Variants in DNAH6 observed in about 807,000 individuals in gnomAD.
DNAH6 encodes the protein dynein axonemal heavy chain 6.
DNAH6 carries 340 observed loss-of-function variants against 491.4 expected under a neutral mutation model. The ratio of observed to expected loss-of-function variants is 0.69; its 90% confidence interval spans 0.63 to 0.76. DNAH6 has a LOEUF of 0.76. Ranked by LOEUF, DNAH6 falls within the 30% of genes least tolerant of loss-of-function variation. The pLI, the probability that DNAH6 is intolerant of heterozygous loss-of-function variation, is 0.00. For missense variants in DNAH6, 4,443 were observed against 4,972.2 expected, an observed-to-expected ratio of 0.89 and a Z score of 3.20; for synonymous variants, 1,603 against 1,686.1, an observed-to-expected ratio of 0.95 and a Z score of 1.21.
At chr2:84,701,418 TG>T in intron 49 of DNAH6, 79 bp downstream of exon 49, 1 of 1,420,528 alleles carries the variant, frequency 7.0e-7, no homozygotes, top group South Asian at 1.4e-5. Flanking sequence ...CTCTATGCAC[TG>T]TCTTACCTGT....
chr2:84,592,179 C>G (rs1684180796), intron 16 of DNAH6, among the ~76,000 whole-genome samples: 1 of 151,508 alleles, frequency 6.6e-6, no homozygotes, highest in Non-Finnish European at 1.5e-5. Context: ...AAAAAATTTG[C>G]AAATTATATA....
At chr2:84,636,102 C>G (rs566489806) in intron 30 of DNAH6, among the ~76,000 whole-genome samples, 3 of 152,260 alleles carry the variant, frequency 2.0e-5, no homozygotes, top group African/African-American at 7.2e-5. Flanking sequence ...CCTTACTGGT[C>G]TCCCTGTCTG....
At chr2:84,777,484 A>G (rs1676251171) in intron 64 of DNAH6, 1 of 682,294 alleles carries the variant, frequency 1.5e-6, no homozygotes, top group Admixed American at 2.1e-5. Flanking sequence ...TTTCTGCCAA[A>G]TCTGCCACAG....
At chr2:84,742,394 T>G (rs2105029941) in intron 62 of DNAH6, among the ~76,000 whole-genome samples, 1 of 152,306 alleles carries the variant, frequency 6.6e-6, no homozygotes, top group African/African-American at 2.4e-5. Context: ...ATTGATTTAT[T>G]TAAGTTCTTC....
the DNAH6 span, among the ~76,000 whole-genome samples, chr2:84,484,220 A>G: frequency 6.6e-6 from 1 of 152,166 alleles, no homozygotes; most frequent in African/African-American, 2.4e-5. Context: ...AAGAAAATCC[A>G]GGAAACCCAT....
the DNAH6 span, among the ~76,000 whole-genome samples, chr2:84,493,790 G>A: frequency 6.6e-6 from 1 of 152,192 alleles, no homozygotes; most frequent in Admixed American, 6.5e-5. Flanking sequence ...AGACACAACA[G>A]CTTCAGGCCC....
chr2:84,728,132 C>A (rs1281863092), intron 61 of DNAH6, among the ~76,000 whole-genome samples: 1 of 152,228 alleles, frequency 6.6e-6, no homozygotes, highest in Non-Finnish European at 1.5e-5. Context: ...TTTTCATTCT[C>A]ACTTGCCTGC....
chr2:84,574,475 A>G (rs1226066755), intron 12 of DNAH6, among the ~76,000 whole-genome samples: 3 of 152,212 alleles, frequency 2.0e-5, no homozygotes, highest in African/African-American at 7.2e-5. Context: ...CAGCTTCCAG[A>G]TGATTTGGCC....
At chr2:84,756,143 C>G (rs561390226) in intron 63 of DNAH6, among the ~76,000 whole-genome samples, 1 of 152,202 alleles carries the variant, frequency 6.6e-6, no homozygotes, top group East Asian at 1.9e-4. Flanking sequence ...ATACACTATC[C>G]CTTATCAGGT....
At chr2:84,476,068 T>G in the DNAH6 span, among the ~76,000 whole-genome samples, 1 of 152,240 alleles carries the variant, frequency 6.6e-6, no homozygotes, top group Admixed American at 6.5e-5. Flanking sequence ...GGTTTTAAAC[T>G]GCAAGTACTG....
chr2:84,653,134 T>A (rs1209255399), intron 33 of DNAH6, among the ~76,000 whole-genome samples, 185 bp from the exon 34 acceptor site: 2 of 151,912 alleles, frequency 1.3e-5, no homozygotes, highest in Non-Finnish European at 2.9e-5. Context: ...ACAAACAAAA[T>A]CATACATGAT....
rs1243358281 is a variant in DNAH6, at chr2:84,587,062, G to A, written c.2482-1764G>A. Among the ~76,000 whole-genome samples, 5 of 151,854 alleles carry A rather than the reference G, an allele frequency of 3.3e-5. No individual in the cohort carries two copies. The East Asian group carries it at 5.8e-4, about 18-fold the overall frequency. On this transcript the variant is annotated intron_variant, in intron 15 of 76. Coordinates refer to ENST00000389394, the MANE Select transcript of DNAH6 (RefSeq NM_001370.2). Reference sequence around the variant, plus strand: ...GGTTATTTTGTCACCCAGATACAAGGCCTAGTACCCAATAGATATTTTTTC... The same window carrying A: ...GGTTATTTTGTCACCCAGATACAAGACCTAGTACCCAATAGATATTTTTTC...
the DNAH6 span, among the ~76,000 whole-genome samples, chr2:84,505,608 T>C: frequency 2.5e-3 from 380 of 152,320 alleles, no homozygotes; most frequent in African/African-American, 8.3e-3. Context: ...GTGCACAACA[T>C]GCAGGTTAGT....
intron 26 of DNAH6, among the ~76,000 whole-genome samples, chr2:84,622,383 G>T (rs2104406592): frequency 6.6e-6 from 1 of 152,096 alleles, no homozygotes; most frequent in East Asian, 1.9e-4. Context: ...AGGCTGGAGT[G>T]CAGGGATGCG....
intron 11 of DNAH6, among the ~76,000 whole-genome samples, chr2:84,570,815 C>T (rs969083803): frequency 5.9e-5 from 9 of 152,160 alleles, no homozygotes; most frequent in African/African-American, 1.9e-4. Flanking sequence ...TTCTTTCGCT[C>T]TTCTCAATAA....
At chr2:84,760,242 G>C (rs752068373) in intron 63 of DNAH6, among the ~76,000 whole-genome samples, 51 of 152,168 alleles carry the variant, frequency 3.4e-4, no homozygotes, top group Non-Finnish European at 6.5e-4. Flanking sequence ...AACTCTTCTT[G>C]ACATTGGTCT....
At position 84,572,997 on chromosome 2, in the gene DNAH6, A is replaced by C. The variant is rs1029264969; in HGVS notation, c.1804-470A>C. On this transcript the variant is annotated intron_variant, in intron 11 of 76. Coordinates refer to ENST00000389394, the MANE Select transcript of DNAH6 (RefSeq NM_001370.2). ...AAAGTTTTTATTATGGCAAAGTATG[A>C]AGGATATTTTGGAGTAAGAGACTGG... is the stretch of plus-strand genomic sequence containing the variant. Among the ~76,000 whole-genome samples the C allele has an allele frequency of 2.6e-5, 4 of 152,220 alleles. No homozygotes were observed. The South Asian group carries it at 8.3e-4, about 32-fold the overall frequency.
chr2:84,762,700 T>TA (rs1179651954), intron 63 of DNAH6, 55 bp from the exon 64 acceptor site: 1 of 1,337,032 alleles, frequency 7.5e-7, no homozygotes, highest in Non-Finnish European at 1.0e-6. Context: ...AAAATTAGGA[T>TA]AAAATTATGA....
intron 32 of DNAH6, 91 bp downstream of exon 32, chr2:84,640,669 C>T: frequency 7.9e-7 from 1 of 1,259,544 alleles, no homozygotes; most frequent in Non-Finnish European, 1.1e-6. Context: ...CAGAGAGTAA[C>T]TGATTAATAA....
Sources: allele counts gnomAD v4.1 joint callset (sites outside exome capture counted in the v4.1 genomes callset), GRCh38; gene constraint gnomAD v4.1.1; transcripts MANE v1.5; gene names NCBI Gene and HGNC (gene_info 2026-07-23, HGNC 2026-07-21).